Variants in NUP205 observed in about 807,000 individuals in gnomAD.
NUP205 encodes the protein nuclear pore complex protein Nup205.
NUP205 carries 76 observed loss-of-function variants against 253.8 expected under a neutral mutation model. That is an observed-to-expected ratio of 0.30 (90% CI 0.25 to 0.36). The LOEUF is 0.36. NUP205 is among the 10% of genes least tolerant of loss of function. The pLI, the probability that NUP205 is intolerant of heterozygous loss-of-function variation, is 1.00. For synonymous variants in NUP205, 832 were observed against 850.1 expected (o/e 0.98, Z 0.37); for missense variants, 2,162 against 2,425.5 (o/e 0.89, Z 2.28).
chr7:135,643,941 C>T (rs6975251), intron 39 of NUP205, among the ~76,000 whole-genome samples: 1 of 152,084 alleles, frequency 6.6e-6, no homozygotes, highest in African/African-American at 2.4e-5. Flanking sequence ...GGTGTCCTGT[C>T]GCAGCCTGAA....
intron 1 of NUP205, among the ~76,000 whole-genome samples, chr7:135,567,515 G>C (rs1805818014): frequency 6.6e-6 from 1 of 151,616 alleles, no homozygotes; most frequent in African/African-American, 2.4e-5. Flanking sequence ...GAGGCTGAGG[G>C]GGGCAGTATC....
In NUP205 at chr7:135,614,174, T is replaced by G; in HGVS notation, c.3211T>G (p.Cys1071Gly). The G allele has an allele frequency of 6.3e-7, 1 of 1,590,628 alleles. No homozygotes were observed. The highest frequency in any genetic ancestry group is 1.1e-5 in the South Asian group (1 of 90,104). The change falls in exon 23 of 43, where the codon TGT (cysteine) becomes GGT (glycine). Residue 1071 changes from cysteine (C) to glycine (G), a missense_variant. Physicochemically the swap from Cys to Gly is radical, Grantham distance 159. Around this residue, in one of 5 missense-constraint regions of NUP205, gnomAD observed 1,144 missense variants for 1,280.9 expected, o/e 0.89. Coordinates refer to ENST00000285968, the MANE Select transcript of NUP205 (RefSeq NM_015135.3). ...ELCYQVIYQL[C>G]ACSDTSGPTM... ...AATGCTTTAGGTCATATATCAGTTA[T>G]GTGCATGCTCTGATACATCTGGTCC...
intron 11 of NUP205, among the ~76,000 whole-genome samples, chr7:135,591,931 C>T (rs4472455): frequency 0.99 from 150,244 of 152,352 alleles, 74,111 homozygotes; most frequent in Middle Eastern, 1. Context: ...AATTTATCTT[C>T]GTATTTTTTT....
At chr7:135,608,751 T>C (rs1421559271) in intron 22 of NUP205, among the ~76,000 whole-genome samples, 1 of 152,042 alleles carries the variant, frequency 6.6e-6, no homozygotes, top group Non-Finnish European at 1.5e-5. Context: ...AATGATAATT[T>C]ATAATTTCGC....
At position 135,577,213 on chromosome 7, in the gene NUP205, A is replaced by G. The variant is rs1373737564; in HGVS notation, c.648+85A>G. The stretch of plus-strand genomic sequence containing the variant: ...GACAATTAGAATGTTCATTTTTTCA[A>G]GATGAATTATGTAGCTGATACCATG... On this transcript the variant is annotated intron_variant, in intron 5 of 42. Transcript: ENST00000285968. 16 of 1,349,166 alleles carry G rather than the reference A, an allele frequency of 1.2e-5. 1 individual carries two copies. The South Asian group carries it at 1.3e-4, about 11-fold the overall frequency. The allele number at this position is 1,349,166 out of a possible 1,614,324, so 83.6% of individuals were successfully genotyped here. A position where few individuals can be genotyped will look rare whatever the true frequency, so the allele number is the denominator to read the frequency against.
chr7:135,594,401 C>T, intron 12 of NUP205, 146 bp from the exon 13 acceptor site: 2 of 501,426 alleles, frequency 4.0e-6, no homozygotes, highest in Non-Finnish European at 6.8e-6. Context: ...TGGTAGACTT[C>T]AAACATAAAT....
In NUP205 at chr7:135,619,668, G is replaced by A. The variant is rs762037706; in HGVS notation, c.4209G>A (p.Leu1403=). ...CACTTTACATCATATTGAAGAAACT[G>A]TTAGACTTCATTTTGAAGACAGGTT... ...DSSLYIILKK[L]LDFILKTGGG... Residue 1403 remains leucine, a synonymous_variant, in exon 29 of 43, where the codon CTG becomes CTA. Coordinates refer to ENST00000285968, the MANE Select transcript of NUP205 (RefSeq NM_015135.3). 1.2e-6 allele frequency: 2 copies of A among 1,612,490 alleles called. No individual in the cohort carries two copies. Among genetic ancestry groups the A allele is most frequent in the Admixed American group, 3.3e-5 (2 of 59,750 alleles).
intron 36 of NUP205, among the ~76,000 whole-genome samples, chr7:135,637,663 A>G (rs1794833850): frequency 1.3e-5 from 2 of 152,226 alleles, no homozygotes; most frequent in South Asian, 4.1e-4. Context: ...TATAATGCAG[A>G]AAGTTATTTG....
intron 22 of NUP205, among the ~76,000 whole-genome samples, chr7:135,608,016 G>A (rs577387979): frequency 8.0e-6 from 1 of 125,660 alleles, no homozygotes; most frequent in Admixed American, 9.8e-5. Flanking sequence ...TGCCCAGGCT[G>A]GGAAAGCACT....
intron 38 of NUP205, among the ~76,000 whole-genome samples, chr7:135,640,629 G>C (rs570177735): frequency 1.0e-3 from 152 of 152,076 alleles, no homozygotes; most frequent in Non-Finnish European, 1.9e-3. Context: ...TGCCATGGAT[G>C]GGGGAGAAGA....
chr7:135,641,164 CA>C (rs756687247), intron 38 of NUP205, among the ~76,000 whole-genome samples: 5 of 152,162 alleles, frequency 3.3e-5, no homozygotes, highest in Non-Finnish European at 7.4e-5. Context: ...TCTGAATGCG[CA>C]AATATTTTCT....
chr7:135,587,555 A>C lies in NUP205; in HGVS notation c.1219-20A>C. 1.4e-6 allele frequency: 2 copies of C among 1,452,882 alleles called. No individual in the cohort carries two copies. Among genetic ancestry groups the C allele is most frequent in the Non-Finnish European group, 1.9e-6 (2 of 1,057,468 alleles). 90.0% of individuals were successfully genotyped at this position (1,452,882 alleles called of 1,614,324 possible). On this transcript the variant is annotated intron_variant, in intron 8 of 42. Coordinates refer to ENST00000285968, the MANE Select transcript of NUP205 (RefSeq NM_015135.3). ...TACAATACATTTACATATTAAAACTATATCTAATAAATTTAATAGGTGAAA... is the reference window on the plus strand; with the variant it reads ...TACAATACATTTACATATTAAAACTCTATCTAATAAATTTAATAGGTGAAA...
At chr7:135,591,741 G>A in intron 11 of NUP205, 141 bp downstream of exon 11, 2 of 660,962 alleles carry the variant, frequency 3.0e-6, no homozygotes, top group East Asian at 2.8e-5. Context: ...GGTGAAGGAA[G>A]CATGCATACA....
intron 2 of NUP205, among the ~76,000 whole-genome samples, chr7:135,571,900 T>A (rs1247744458): frequency 6.6e-6 from 1 of 152,236 alleles, no homozygotes; most frequent in Non-Finnish European, 1.5e-5. Context: ...AGGGTGTTGC[T>A]CTGTCCTCCA....
intron 34 of NUP205, among the ~76,000 whole-genome samples, chr7:135,629,431 G>A (rs1028859121): frequency 4.7e-5 from 7 of 149,612 alleles, no homozygotes; most frequent in African/African-American, 1.7e-4. Context: ...ACTTTAGCCA[G>A]GAGTTTGAGC....
intron 10 of NUP205, among the ~76,000 whole-genome samples, chr7:135,590,408 C>T (rs986480617): frequency 1.3e-5 from 2 of 152,078 alleles, no homozygotes; most frequent in African/African-American, 4.8e-5. Flanking sequence ...GCCACTGTGC[C>T]CAGCCTGCTA....
intron 3 of NUP205, 69 bp downstream of exon 3, chr7:135,573,894 T>G (rs563344097): frequency 1.7e-6 from 2 of 1,212,008 alleles, no homozygotes; most frequent in East Asian, 2.4e-5. Flanking sequence ...TAGTTTAAAA[T>G]AGTTTATTGT....
At position 135,569,153 on chromosome 7, in the gene NUP205, C is replaced by T. The variant is rs563476682; in HGVS notation, c.29-1952C>T. The stretch of plus-strand genomic sequence containing the variant: ...TGGCACGATCTCGGCTCACTCCAAC[C>T]TCCGCCTCCTGGGTTCAAGCAATTC... On this transcript the variant is annotated intron_variant, in intron 1 of 42. Coordinates refer to ENST00000285968, the MANE Select transcript of NUP205 (RefSeq NM_015135.3). Among the ~76,000 whole-genome samples, 5 of 152,320 alleles carry T rather than the reference C, an allele frequency of 3.3e-5. No individual in the cohort carries two copies. The East Asian group carries it at 9.7e-4, about 29-fold the overall frequency.
chr7:135,594,493 A>G, intron 12 of NUP205, 54 bp from the exon 13 acceptor site: 9 of 1,399,198 alleles, frequency 6.4e-6, no homozygotes, highest in Non-Finnish European at 8.8e-6. Context: ...ATTGCTGGTC[A>G]TTTTAATAAC....
Sources: allele counts gnomAD v4.1 joint callset (sites outside exome capture counted in the v4.1 genomes callset), GRCh38; gene constraint gnomAD v4.1.1; regional missense constraint gnomAD v4.1.1; transcripts MANE v1.5; gene names NCBI Gene and HGNC (gene_info 2026-07-23, HGNC 2026-07-21).